CEACAM8: variants seen among roughly 807,000 people sequenced by gnomAD.
CEACAM8 encodes the protein cell adhesion molecule CEACAM8.
CEACAM8 carries 31 observed loss-of-function variants against 33.4 expected under a neutral mutation model. That is an observed-to-expected ratio of 0.93 (90% CI 0.70 to 1.25). CEACAM8 has a LOEUF of 1.25. Among genes scored for constraint, CEACAM8 ranks in the 50% most tolerant of loss-of-function variants. The pLI, the probability that CEACAM8 is intolerant of heterozygous loss-of-function variation, is 0.00. For synonymous variants in CEACAM8, 138 were observed against 164.5 expected (o/e 0.84, Z 1.23); for missense variants, 388 against 434.6 (o/e 0.89, Z 0.95).
At chr19:42,593,962 G>A in intron 1 of CEACAM8, 62 bp from the exon 2 acceptor site, 1 of 1,508,220 alleles carries the variant, frequency 6.6e-7, no homozygotes, top group African/African-American at 1.4e-5. Context: ...GAAAAATGGG[G>A]ACATCAGCTT....
chr19:42,587,703 G>A (rs556060427), intron 4 of CEACAM8, among the ~76,000 whole-genome samples: 2 of 152,098 alleles, frequency 1.3e-5, no homozygotes, highest in African/African-American at 2.4e-5. Context: ...TAAATTGCAC[G>A]CATAGAAATA....
chr19:42,590,714 G>A (rs2042422658), intron 2 of CEACAM8, among the ~76,000 whole-genome samples: 1 of 152,152 alleles, frequency 6.6e-6, no homozygotes, highest in Non-Finnish European at 1.5e-5. Flanking sequence ...CTTACATGAG[G>A]TTCCTAGGGT....
At chr19:42,587,504 T>TA (rs1212561846) in intron 4 of CEACAM8, among the ~76,000 whole-genome samples, 1 of 152,266 alleles carries the variant, frequency 6.6e-6, no homozygotes, top group African/African-American at 2.4e-5. Flanking sequence ...AAAGGCCACC[T>TA]ATTATATAAT....
chr19:42,589,220 C>T (rs1405691433), intron 3 of CEACAM8, among the ~76,000 whole-genome samples, 182 bp from the exon 4 acceptor site: 4 of 152,202 alleles, frequency 2.6e-5, no homozygotes, highest in Non-Finnish European at 4.4e-5. Context: ...CCTGTTTCTC[C>T]CATCAGAAGA....
In CEACAM8 at chr19:42,583,430, T is replaced by C. The variant is rs1172261416; in HGVS notation, c.959-93A>G. On this transcript the variant is annotated intron_variant, in intron 4 of 5. Transcript: ENST00000244336. ...CCAGCTCCTAGCATGAAGTAGTCTC[T>C]ACTTGTTTTTTCAAGGAATACATTA... 5 of 783,732 alleles carry C rather than the reference T, an allele frequency of 6.4e-6. No individual in the cohort carries two copies. The Admixed American group carries it at 1.3e-4, about 20-fold the overall frequency. 48.5% of individuals were successfully genotyped at this position (783,732 alleles called of 1,614,324 possible).
chr19:42,589,647 A>T lies in CEACAM8; in HGVS notation c.513T>A (p.Thr171=), dbSNP rs776796366. Residue 171 remains threonine (T), a synonymous_variant, in exon 3 of 6, where the codon ACT becomes ACA. Transcript: ENST00000244336. ...CCCACCACAGGTAGGTTGTGTTCTG[A>T]GTCTCAGGTTCACAGGTGAAGGCCA... ...DAVAFTCEPE[T]QNTTYLWWVN... 1 of 1,614,128 alleles carries T rather than the reference A, an allele frequency of 6.2e-7. No homozygotes were observed. Among genetic ancestry groups the T allele is most frequent in the East Asian group, 2.2e-5 (1 of 44,884 alleles).
intron 5 of CEACAM8, 128 bp from the exon 6 acceptor site, chr19:42,581,481 C>T (rs374102000): frequency 2.6e-4 from 40 of 152,230 alleles, no homozygotes; most frequent in South Asian, 8.3e-4. Context: ...ATAACATATT[C>T]GATTTCTAGG....
In CEACAM8 at chr19:42,594,920, CCTT is replaced by C; in HGVS notation, c.-95_-93del. On this transcript the variant is annotated 5_prime_UTR_variant, in exon 1 of 6. Transcript: ENST00000244336. ...GGCTGTCAGCTGTGCTGTCCTTCCT[CCTT>C]TTGTGCTGAGCCTCTTCCCGGGGCA... 7.0e-7 allele frequency: 1 copy of C among 1,420,056 alleles called. No individual in the cohort carries two copies. The highest frequency in any genetic ancestry group is 9.6e-7 in the Non-Finnish European group (1 of 1,046,886). The allele number at this position is 1,420,056 out of a possible 1,614,324, so 88.0% of individuals were successfully genotyped here. A position where few individuals can be genotyped will look rare whatever the true frequency, so the allele number is the denominator to read the frequency against.
Position 42,589,584 on chromosome 19 carries a change from C to T in CEACAM8, c.576G>A (p.Gln192=), listed in dbSNP as rs955323317. 7.4e-6 allele frequency: 12 copies of T among 1,614,076 alleles called. No homozygotes were observed. The African/African-American group carries it at 1.1e-4, about 14-fold the overall frequency. The change falls in exon 3 of 6, where the codon CAG becomes CAA. Residue 192 remains glutamine (Q), a synonymous_variant. Coordinates refer to ENST00000244336, the MANE Select transcript of CEACAM8 (RefSeq NM_001816.4). ...TGAGGGTCCTGTTGCCATTGGACAGCTGCAGCCTGGGACTGACCGGGAGAC... is the reference window on the plus strand; with the variant it reads ...TGAGGGTCCTGTTGCCATTGGACAGTTGCAGCCTGGGACTGACCGGGAGAC... ...GQSLPVSPRL[Q]LSNGNRTLTL...
intron 4 of CEACAM8, among the ~76,000 whole-genome samples, 159 bp downstream of exon 4, chr19:42,588,625 G>A (rs2042375925): frequency 6.6e-6 from 1 of 152,204 alleles, no homozygotes; most frequent in Non-Finnish European, 1.5e-5. Context: ...GCAGAAGAGA[G>A]TCTATAGAGA....
chr19:42,581,201 A>C lies in CEACAM8; in HGVS notation c.*193T>G, dbSNP rs993688591. 8 of 152,178 alleles carry C rather than the reference A, an allele frequency of 5.3e-5. No homozygotes were observed. Among genetic ancestry groups the C allele is most frequent in the Non-Finnish European group, 7.3e-5 (5 of 68,046 alleles). 9.4% of individuals were successfully genotyped at this position (152,178 alleles called of 1,614,324 possible). A position where few individuals can be genotyped will look rare whatever the true frequency, so the allele number is the denominator to read the frequency against. Reference sequence around the variant, plus strand: ...TTCACAAAGGTATCAGCCTGTTTGCAAGTTCATAGACAGTCCAGTGGCGTG... The same window carrying C: ...TTCACAAAGGTATCAGCCTGTTTGCCAGTTCATAGACAGTCCAGTGGCGTG... On this transcript the variant is annotated 3_prime_UTR_variant, in exon 6 of 6. Coordinates refer to ENST00000244336, the MANE Select transcript of CEACAM8 (RefSeq NM_001816.4).
At chr19:42,593,353 C>T (rs1341346217) in intron 2 of CEACAM8, among the ~76,000 whole-genome samples, 188 bp downstream of exon 2, 4 of 152,212 alleles carry the variant, frequency 2.6e-5, no homozygotes, top group African/African-American at 9.6e-5. Context: ...TCTGCAGGGT[C>T]TGGATGCAGG....
rs953068129 is a variant in CEACAM8 at position 42,580,283 on chromosome 19, A to T, written c.*1111T>A. The T allele has an allele frequency of 6.6e-6, 1 of 152,242 alleles. No individual in the cohort carries two copies. The highest frequency in any genetic ancestry group is 1.5e-5 in the Non-Finnish European group (1 of 68,044). 9.4% of individuals were successfully genotyped at this position (152,242 alleles called of 1,614,324 possible). On this transcript the variant is annotated 3_prime_UTR_variant, in exon 6 of 6. Transcript: ENST00000244336. ...GAGCAATTTTATTATCTAGCATTGC[A>T]TGCCTGGGTTAAATTAAAACAGACA...
chr19:42,581,838 C>T (rs1465557963), intron 5 of CEACAM8, among the ~76,000 whole-genome samples: 13 of 128,052 alleles, frequency 1.0e-4, no homozygotes, highest in South Asian at 2.6e-4. Flanking sequence ...TGCAGTGAGC[C>T]GAGATTGTGC....
rs998667782 is a variant in CEACAM8, at chr19:42,580,495, A to C, written c.*899T>G. The C allele has an allele frequency of 3.5e-4, 53 of 152,238 alleles. No individual in the cohort carries two copies. Among genetic ancestry groups the C allele is most frequent in the African/African-American group, 1.3e-3 (52 of 41,456 alleles). The allele number at this position is 152,238 out of a possible 1,614,324, so 9.4% of individuals were successfully genotyped here. A position where few individuals can be genotyped will look rare whatever the true frequency, so the allele number is the denominator to read the frequency against. ...TCTATCATTCTCTGTATTTTCTCAA[A>C]TATAACATCCCAATCAAAGCCTTGG... On this transcript the variant is annotated 3_prime_UTR_variant, in exon 6 of 6. Coordinates refer to ENST00000244336, the MANE Select transcript of CEACAM8 (RefSeq NM_001816.4).
chr19:42,594,674 G>T, intron 1 of CEACAM8, 91 bp downstream of exon 1: 2 of 994,192 alleles, frequency 2.0e-6, no homozygotes, highest in Non-Finnish European at 3.2e-6. Flanking sequence ...GAAGTCCTCT[G>T]TCCCCTCTCA....
chr19:42,594,689 C>A (rs2042513745), intron 1 of CEACAM8, 76 bp downstream of exon 1: 2 of 1,194,996 alleles, frequency 1.7e-6, no homozygotes, highest in South Asian at 2.4e-5. Flanking sequence ...CTCTCAGAGC[C>A]CCGTCCTCCC....
In CEACAM8 at chr19:42,589,720, G is replaced by A. The variant is rs773495246; in HGVS notation, c.440C>T (p.Pro147Leu). 62 of 1,614,038 alleles carry A rather than the reference G, an allele frequency of 3.8e-5. No homozygotes were observed. Among genetic ancestry groups the A allele is most frequent in the Non-Finnish European group, 5.2e-5 (61 of 1,180,024 alleles). Residue 147 changes from proline to leucine, a missense_variant, in exon 3 of 6, where the codon CCC becomes CTC. Coordinates refer to ENST00000244336, the MANE Select transcript of CEACAM8 (RefSeq NM_001816.4). ...GTTGGAGTTGTTGCTGGAGATGGAG[G>A]GCTTGGGAGTCTCCGCTGTGCAGAA... ...QFSVHPETPK[P>L]SISSNNSNPV... is the part of the protein sequence containing the mutation.
chr19:42,589,146 C>T, intron 3 of CEACAM8, 108 bp from the exon 4 acceptor site: 1 of 1,378,210 alleles, frequency 7.3e-7, no homozygotes, highest in Non-Finnish European at 9.9e-7. Flanking sequence ...AAACCTGAGC[C>T]AAGTCCCAAC....
Sources: allele counts gnomAD v4.1 joint callset (sites outside exome capture counted in the v4.1 genomes callset), GRCh38; gene constraint gnomAD v4.1.1; transcripts MANE v1.5; gene names NCBI Gene and HGNC (gene_info 2026-07-23, HGNC 2026-07-21).